The following ADGRB3 variants were observed in gnomAD, a reference collection of about 807,000 sequenced individuals.
ADGRB3 encodes the protein brain-specific angiogenesis inhibitor 3.
ADGRB3 carries 37 observed loss-of-function variants against 193.4 expected under a neutral mutation model. The observed-to-expected ratio is 0.19, with a 90% confidence interval of 0.15 to 0.25. The LOEUF (loss-of-function observed/expected upper bound fraction) is 0.25, where lower values mean the gene tolerates loss of function less well. Among genes scored for constraint, ADGRB3 ranks in the 10% least tolerant of loss-of-function variants. ADGRB3 has a pLI of 1.00. For synonymous variants in ADGRB3, 690 were observed against 644.2 expected (o/e 1.07, Z -1.08); for missense variants, 1,637 against 1,852.9 (o/e 0.88, Z 2.14).
intron 17 of ADGRB3, among the ~76,000 whole-genome samples, chr6:69,121,759 G>T (rs1291121691): frequency 6.8e-6 from 1 of 146,728 alleles, no homozygotes; most frequent in Non-Finnish European, 1.5e-5. Flanking sequence ...AGGCGTAGGC[G>T]CTCCTCACCT....
At chr6:68,662,553 C>A (rs192462025) in intron 3 of ADGRB3, among the ~76,000 whole-genome samples, 9 of 151,530 alleles carry the variant, frequency 5.9e-5, no homozygotes, top group Admixed American at 4.0e-4. Context: ...AAAAAAATTT[C>A]TTTCAATATC....
intron 17 of ADGRB3, among the ~76,000 whole-genome samples, chr6:69,186,842 A>G (rs539379489): frequency 3.9e-5 from 6 of 151,914 alleles, no homozygotes; most frequent in African/African-American, 9.7e-5. Flanking sequence ...TTTTAAATAC[A>G]GAAGTACTAT....
At chr6:69,099,460 TTA>T (rs1772971826) in intron 17 of ADGRB3, among the ~76,000 whole-genome samples, 1 of 152,220 alleles carries the variant, frequency 6.6e-6, no homozygotes, top group African/African-American at 2.4e-5. Flanking sequence ...TCCTGCTATG[TTA>T]CTGTCAGCAG....
chr6:69,281,012 CAATT>C (rs1434120494), intron 20 of ADGRB3, among the ~76,000 whole-genome samples: 1 of 152,076 alleles, frequency 6.6e-6, no homozygotes, highest in Non-Finnish European at 1.5e-5. Flanking sequence ...AGCAGCAGGC[CAATT>C]AATTAGTATG....
chr6:68,798,434 C>T (rs1014915705), intron 3 of ADGRB3, among the ~76,000 whole-genome samples: 13 of 148,562 alleles, frequency 8.8e-5, no homozygotes, highest in African/African-American at 2.2e-4. Flanking sequence ...ACATTTAAAA[C>T]GTAAAGCTGT....
At chr6:69,007,216 C>T (rs1486370617) in intron 11 of ADGRB3, among the ~76,000 whole-genome samples, 2 of 152,174 alleles carry the variant, frequency 1.3e-5, no homozygotes, top group Non-Finnish European at 2.9e-5. Flanking sequence ...TGTCATTTCT[C>T]TAAACCAAGC....
chr6:68,715,080 CTT>C (rs1320314064), intron 3 of ADGRB3, among the ~76,000 whole-genome samples: 2 of 151,792 alleles, frequency 1.3e-5, no homozygotes, highest in African/African-American at 2.4e-5. Flanking sequence ...ACACAAAAGA[CTT>C]TGAAACTATT....
At chr6:68,668,060 A>G (rs924724799) in intron 3 of ADGRB3, among the ~76,000 whole-genome samples, 3 of 151,974 alleles carry the variant, frequency 2.0e-5, no homozygotes, top group African/African-American at 7.2e-5. Flanking sequence ...ACCATGTAGT[A>G]TAAGCTAACT....
intron 20 of ADGRB3, among the ~76,000 whole-genome samples, chr6:69,276,214 T>C (rs1048243619): frequency 5.9e-5 from 9 of 152,234 alleles, no homozygotes; most frequent in Admixed American, 4.6e-4. Context: ...TCTCCATTTA[T>C]GCTTAGGAAG....
chr6:68,935,960 G>A (rs1419076307), intron 4 of ADGRB3, among the ~76,000 whole-genome samples: 1 of 152,034 alleles, frequency 6.6e-6, no homozygotes, highest in East Asian at 1.9e-4. Flanking sequence ...AAAATAAACA[G>A]CTATCATAGT....
At chr6:68,912,895 C>T (rs184282895) in intron 3 of ADGRB3, among the ~76,000 whole-genome samples, 1 of 152,286 alleles carries the variant, frequency 6.6e-6, no homozygotes, top group Admixed American at 6.5e-5. Context: ...AAAAACGGCG[C>T]ACCAGGAGAT....
At chr6:68,674,321 C>T (rs1020864009) in intron 3 of ADGRB3, among the ~76,000 whole-genome samples, 10 of 151,886 alleles carry the variant, frequency 6.6e-5, no homozygotes, top group East Asian at 5.8e-4. Context: ...AAATTTTAGA[C>T]GGCATGAAAC....
intron 31 of ADGRB3, among the ~76,000 whole-genome samples, chr6:69,387,775 T>C (rs1770105958): frequency 6.6e-6 from 1 of 152,078 alleles, no homozygotes; most frequent in Non-Finnish European, 1.5e-5. Flanking sequence ...ATATATTGAG[T>C]GGAGTTTGGA....
At chr6:69,061,735 A>G (rs930232215) in intron 15 of ADGRB3, among the ~76,000 whole-genome samples, 1 of 46,122 alleles carries the variant, frequency 2.2e-5, no homozygotes, top group Non-Finnish European at 6.5e-5. Context: ...AACAAAATAG[A>G]TGAATCTCAA....
chr6:69,041,522 T>G (rs957349733), intron 13 of ADGRB3, among the ~76,000 whole-genome samples: 17 of 152,128 alleles, frequency 1.1e-4, no homozygotes, highest in African/African-American at 4.1e-4. Flanking sequence ...TAAAATCACA[T>G]TGCACCACAC....
intron 11 of ADGRB3, 47 bp downstream of exon 11, chr6:68,994,009 C>A: frequency 6.3e-7 from 1 of 1,586,422 alleles, no homozygotes; most frequent in South Asian, 1.1e-5. Flanking sequence ...AAGATGCAAT[C>A]AGTTTTTGGT....
chr6:69,263,447 G>T (rs1391635621), intron 20 of ADGRB3, among the ~76,000 whole-genome samples: 2 of 151,980 alleles, frequency 1.3e-5, no homozygotes. Context: ...GATGACTCAT[G>T]AGTGCAATCA....
chr6:69,057,907 A>G (rs1384795899), intron 15 of ADGRB3, among the ~76,000 whole-genome samples: 3 of 151,728 alleles, frequency 2.0e-5, no homozygotes, highest in East Asian at 1.9e-4. Context: ...TTTTTTATAT[A>G]TAGTATCTTT....
At chr6:69,164,030 C>T (rs1775065855) in intron 17 of ADGRB3, among the ~76,000 whole-genome samples, 1 of 152,058 alleles carries the variant, frequency 6.6e-6, no homozygotes, top group East Asian at 1.9e-4. Context: ...CAAAATCTTC[C>T]CTCTAGTGAG....
Sources: allele counts gnomAD v4.1 joint callset (sites outside exome capture counted in the v4.1 genomes callset), GRCh38; gene constraint gnomAD v4.1.1; transcripts MANE v1.5; gene names NCBI Gene and HGNC (gene_info 2026-07-23, HGNC 2026-07-21).